ZNF133: variants seen among roughly 807,000 people sequenced by gnomAD.
ZNF133 encodes the protein zinc finger protein 133 (clone pHZ-13).
A neutral mutation model predicts 54.9 loss-of-function variants in ZNF133; 26 were observed. The ratio of observed to expected loss-of-function variants is 0.47; its 90% confidence interval spans 0.35 to 0.66. The LOEUF is 0.66. ZNF133 is among the 30% of genes least tolerant of loss of function. The pLI is 0.01. For missense variants in ZNF133, 653 were observed against 820.8 expected, an observed-to-expected ratio of 0.80 and a Z score of 2.50; for synonymous variants, 298 against 320.3, an observed-to-expected ratio of 0.93 and a Z score of 0.74.
chr20:18,316,198 C>A lies in ZNF133; in HGVS notation c.1347C>A (p.Leu449=). The change falls in exon 7 of 7, where the codon CTC becomes CTA. Residue 449 remains leucine (L), a synonymous_variant. Transcript: ENST00000425686. Reference sequence around the variant, plus strand: ...GGGTGTGTGGGCGAGGCTTTAGTCTCAAGTCACACCTCAACAGACACCAGA... The same window carrying A: ...GGGTGTGTGGGCGAGGCTTTAGTCTAAAGTCACACCTCAACAGACACCAGA... The part of the protein sequence containing the change: ...VCGVCGRGFS[L]KSHLNRHQNI... 1 of 1,606,754 alleles carries A rather than the reference C, an allele frequency of 6.2e-7. No homozygotes were observed. The highest frequency in any genetic ancestry group is 8.5e-7 in the Non-Finnish European group (1 of 1,176,498).
intron 6 of ZNF133, among the ~76,000 whole-genome samples, chr20:18,311,260 C>T (rs560047055): frequency 2.1e-4 from 32 of 152,200 alleles, no homozygotes; most frequent in Admixed American, 1.5e-3. Flanking sequence ...ATTTGGGCTA[C>T]GTGATCTATG....
chr20:18,316,629 T>G lies in ZNF133; in HGVS notation c.1778T>G (p.Leu593Arg). 6.2e-7 allele frequency: 1 copy of G among 1,614,012 alleles called. No homozygotes were observed. Among genetic ancestry groups the G allele is most frequent in the Non-Finnish European group, 8.5e-7 (1 of 1,180,012 alleles). Reference sequence around the variant, plus strand: ...CAAGGCTTTCTCCAAAAGTCACACCTCACCTTACATCAAATGACACATACG... The same window carrying G: ...CAAGGCTTTCTCCAAAAGTCACACCGCACCTTACATCAAATGACACATACG... Reference protein sequence around the residue: ...CGQGFLQKSHLTLHQMTHTGE... With the variant: ...CGQGFLQKSHRTLHQMTHTGE... Residue 593 changes from leucine to arginine, a missense_variant, in exon 7 of 7, where the codon CTC becomes CGC. Transcript: ENST00000425686.
In ZNF133 at chr20:18,316,368, A is replaced by G. The variant is rs1199433666; in HGVS notation, c.1517A>G (p.Lys506Arg). Reference protein sequence around the residue: ...CGECGRGFSQKSNLVAHQRTH... With the variant: ...CGECGRGFSQRSNLVAHQRTH... ...GAGTGCGGGCGAGGCTTCAGCCAGA[A>G]GTCAAACCTTGTTGCACACCAGAGG... is the stretch of plus-strand genomic sequence containing the variant. The change falls in exon 7 of 7, where the codon AAG (lysine) becomes AGG (arginine). Residue 506 changes from lysine (K) to arginine (R), a missense_variant. By Grantham distance (26) the Lys-to-Arg change is conservative. Around this residue, in one of 4 missense-constraint regions of ZNF133, gnomAD observed 292 missense variants for 431.6 expected, o/e 0.68. Coordinates refer to ENST00000425686, the MANE Select transcript of ZNF133 (RefSeq NM_001352452.2). 1.2e-6 allele frequency: 2 copies of G among 1,613,260 alleles called. No individual in the cohort carries two copies. The highest frequency in any genetic ancestry group is 2.7e-5 in the African/African-American group (2 of 74,668).
chr20:18,316,292 C>G lies in ZNF133; in HGVS notation c.1441C>G (p.Leu481Val). ...CGRGFSQQSN[L>V]IRHQRTHSGE... Reference sequence around the variant, plus strand: ...CCGGGGCTTCAGCCAGCAATCCAACCTCATCAGACACCAGAGGACGCACTC... The same window carrying G: ...CCGGGGCTTCAGCCAGCAATCCAACGTCATCAGACACCAGAGGACGCACTC... Residue 481 changes from leucine (L) to valine (V), a missense_variant, in exon 7 of 7, where the codon CTC becomes GTC. This residue lies in a region of ZNF133 where 292 missense variants were observed against 431.6 expected (regional missense o/e 0.68). Coordinates refer to ENST00000425686, the MANE Select transcript of ZNF133 (RefSeq NM_001352452.2). The G allele has an allele frequency of 6.2e-7, 1 of 1,613,510 alleles. No homozygotes were observed. The highest frequency in any genetic ancestry group is 8.5e-7 in the Non-Finnish European group (1 of 1,179,698).
chr20:18,315,337 T>G lies in ZNF133; in HGVS notation c.486T>G (p.Thr162=), dbSNP rs1325977656. ...MPLFGRTKKR[T]LGAFSRPPQR... ...TGTTTGGAAGAACCAAGAAAAGGAC[T>G]CTGGGAGCGTTCTCCAGGCCACCCC... Residue 162 remains threonine (T), a synonymous_variant, in exon 7 of 7, where the codon ACT becomes ACG. Transcript: ENST00000425686. 6.2e-7 allele frequency: 1 copy of G among 1,614,092 alleles called. No homozygotes were observed. Among genetic ancestry groups the G allele is most frequent in the East Asian group, 2.2e-5 (1 of 44,870 alleles).
Position 18,316,985 on chromosome 20 carries a change from A to G in ZNF133, c.*169A>G, listed in dbSNP as rs1260815339. On this transcript the variant is annotated 3_prime_UTR_variant, in exon 7 of 7. Coordinates refer to ENST00000425686, the MANE Select transcript of ZNF133 (RefSeq NM_001352452.2). The stretch of plus-strand genomic sequence containing the variant: ...CGGTTGTAATAAACTTGGCTTCTTT[A>G]TACATCTGTAACTGTGCCTGTGTCC... The G allele has an allele frequency of 1.3e-6, 1 of 754,302 alleles. No homozygotes were observed. Among genetic ancestry groups the G allele is most frequent in the East Asian group, 2.7e-5 (1 of 36,726 alleles). The allele number at this position is 754,302 out of a possible 1,614,324, so 46.7% of individuals were successfully genotyped here.
At chr20:18,312,774 G>A (rs1600562761) in intron 6 of ZNF133, 1 of 152,194 alleles carries the variant, frequency 6.6e-6, no homozygotes, top group Admixed American at 6.6e-5. Context: ...GAATGCAGTG[G>A]CGCAATCTCG....
In ZNF133 at chr20:18,313,355, A is replaced by C. The variant is rs1600572324; in HGVS notation, c.218-1714A>C. 3 of 152,258 alleles carry C rather than the reference A, an allele frequency of 2.0e-5. No homozygotes were observed. In the South Asian group the frequency reaches 6.2e-4, roughly 31 times the overall value. 9.4% of individuals were successfully genotyped at this position (152,258 alleles called of 1,614,324 possible). ...CTGAAATACATTTAGTGTAAATAAAAGCCTGCCACTTTACACATAGGCACA... is the reference window on the plus strand; with the variant it reads ...CTGAAATACATTTAGTGTAAATAAACGCCTGCCACTTTACACATAGGCACA... On this transcript the variant is annotated intron_variant, in intron 6 of 6. Transcript: ENST00000425686.
chr20:18,315,718 A>T lies in ZNF133; in HGVS notation c.867A>T (p.Glu289Asp). 6.2e-7 allele frequency: 1 copy of T among 1,613,646 alleles called. No homozygotes were observed. Among genetic ancestry groups the T allele is most frequent in the South Asian group, 1.1e-5 (1 of 91,040 alleles). The change falls in exon 7 of 7, where the codon GAA becomes GAT. Residue 289 changes from glutamate (E) to aspartate (D), a missense_variant. Transcript: ENST00000425686. ...FNRKSTLIIH[E>D]RTHSGEKPYM... ...GGAAGTCAACGCTAATCATACACGA[A>T]CGGACACACTCCGGTGAGAAACCTT...
chr20:18,296,261 A>G (rs1198977327), intron 1 of ZNF133, among the ~76,000 whole-genome samples: 6 of 152,166 alleles, frequency 3.9e-5, no homozygotes, highest in Admixed American at 2.6e-4. Context: ...CTTGCTTTGA[A>G]TGATGATTTT....
At chr20:18,290,163 G>A (rs1468981850) in intron 1 of ZNF133, 1 of 152,118 alleles carries the variant, frequency 6.6e-6, no homozygotes, top group African/African-American at 2.4e-5. Context: ...GTCCCATCCA[G>A]GGATCAGGGC....
intron 3 of ZNF133, among the ~76,000 whole-genome samples, chr20:18,301,151 C>T (rs190186308): frequency 2.6e-5 from 4 of 151,990 alleles, no homozygotes; most frequent in Non-Finnish European, 2.9e-5. Context: ...TTCACAAATA[C>T]GTGAAAATTA....
At chr20:18,303,073 G>GT (rs1176482480) in intron 3 of ZNF133, among the ~76,000 whole-genome samples, 5 of 149,816 alleles carry the variant, frequency 3.3e-5, no homozygotes, top group African/African-American at 1.2e-4. Context: ...TTGAAACAGA[G>GT]TTTTGCTCTT....
chr20:18,306,419 G>A (rs751206842), intron 6 of ZNF133, 26 bp downstream of exon 6: 1 of 1,604,232 alleles, frequency 6.2e-7, no homozygotes, highest in Admixed American at 1.7e-5. Flanking sequence ...CTGGACAAAT[G>A]AGACATGAGC....
At chr20:18,308,098 A>G (rs2045058600) in intron 6 of ZNF133, among the ~76,000 whole-genome samples, 1 of 152,174 alleles carries the variant, frequency 6.6e-6, no homozygotes, top group South Asian at 2.1e-4. Flanking sequence ...TGGGGATAGA[A>G]TTGGGGAGGG....
intron 1 of ZNF133, chr20:18,290,186 C>T (rs2146736445): frequency 6.6e-6 from 1 of 152,338 alleles, no homozygotes; most frequent in South Asian, 2.1e-4. Flanking sequence ...CAGCTGGTTC[C>T]TTCAGGAAAC....
intron 1 of ZNF133, among the ~76,000 whole-genome samples, chr20:18,296,781 G>C (rs1215301456): frequency 1.3e-5 from 2 of 152,158 alleles, no homozygotes; most frequent in Admixed American, 1.3e-4. Context: ...TGCGTATATA[G>C]CCAGAAGTCG....
chr20:18,302,909 T>G (rs2043709018), intron 3 of ZNF133, among the ~76,000 whole-genome samples: 1 of 152,102 alleles, frequency 6.6e-6, no homozygotes, highest in Non-Finnish European at 1.5e-5. Context: ...AACAATTTCA[T>G]TTAAAATAGC....
chr20:18,291,985 T>C (rs2424148), intron 1 of ZNF133, among the ~76,000 whole-genome samples: 5,419 of 152,296 alleles, frequency 0.036, 291 homozygotes, highest in African/African-American at 0.12. Flanking sequence ...GAGTTTATCT[T>C]GGAGCAGAAG....
Sources: allele counts gnomAD v4.1 joint callset (sites outside exome capture counted in the v4.1 genomes callset), GRCh38; gene constraint gnomAD v4.1.1; regional missense constraint gnomAD v4.1.1; transcripts MANE v1.5; gene names NCBI Gene and HGNC (gene_info 2026-07-23, HGNC 2026-07-21).